Variants in ARL15 observed in about 807,000 individuals in gnomAD.
The protein encoded by ARL15 is ADP-ribosylation factor-like protein 15.
ARL15 carries 19 observed loss-of-function variants against 25.2 expected under a neutral mutation model. That is an observed-to-expected ratio of 0.75 (90% CI 0.53 to 1.10). ARL15 has a LOEUF of 1.10. ARL15 is among the 50% of genes least tolerant of loss of function. The pLI is 0.00. For synonymous variants in ARL15, 94 were observed against 86.8 expected (o/e 1.08, Z -0.46); for missense variants, 220 against 246.0 (o/e 0.89, Z 0.71).
At chr5:53,987,715 C>T (rs1748341364) in intron 4 of ARL15, among the ~76,000 whole-genome samples, 1 of 152,064 alleles carries the variant, frequency 6.6e-6, no homozygotes. Flanking sequence ...GTTTGGGAGG[C>T]CAAGGTGGGA....
At chr5:54,261,553 CA>C (rs529725614) in intron 1 of ARL15, among the ~76,000 whole-genome samples, 114 of 137,658 alleles carry the variant, frequency 8.3e-4, no homozygotes, top group African/African-American at 1.3e-3. Context: ...ACTAAATATG[CA>C]AAAAAAAAAA....
intron 4 of ARL15, among the ~76,000 whole-genome samples, chr5:53,935,293 G>A (rs567353046): frequency 2.0e-5 from 3 of 152,276 alleles, no homozygotes; most frequent in South Asian, 2.1e-4. Flanking sequence ...CCCTCATCCA[G>A]GAGCAGTAGC....
chr5:53,967,589 AGGTAAAAATG>A (rs894839924), intron 4 of ARL15, among the ~76,000 whole-genome samples: 2 of 150,420 alleles, frequency 1.3e-5, no homozygotes, highest in African/African-American at 4.9e-5. Context: ...GAAAAACAAT[AGGTAAAAATG>A]GATCCAGTTT....
At chr5:54,076,065 C>T (rs942768754) in intron 4 of ARL15, among the ~76,000 whole-genome samples, 4 of 151,950 alleles carry the variant, frequency 2.6e-5, no homozygotes, top group Admixed American at 1.3e-4. Context: ...GTTGGTACAA[C>T]GATTAAATGA....
At chr5:54,039,602 A>T (rs575210718) in intron 4 of ARL15, among the ~76,000 whole-genome samples, 2 of 152,106 alleles carry the variant, frequency 1.3e-5, no homozygotes, top group South Asian at 2.1e-4. Flanking sequence ...GAGTTTCGAG[A>T]CCAGCCTGAC....
intron 4 of ARL15, among the ~76,000 whole-genome samples, chr5:54,046,081 A>C (rs181531487): frequency 2.0e-5 from 3 of 152,342 alleles, no homozygotes; most frequent in Admixed American, 6.5e-5. Context: ...AAAATGACTA[A>C]ATTATATATT....
chr5:54,061,678 A>G (rs1011537969), intron 4 of ARL15, among the ~76,000 whole-genome samples: 1 of 152,228 alleles, frequency 6.6e-6, no homozygotes, highest in Non-Finnish European at 1.5e-5. Flanking sequence ...ATGTATGGAA[A>G]TGCCTGAATG....
chr5:54,199,790 C>T (rs1376955418), intron 1 of ARL15, among the ~76,000 whole-genome samples: 2 of 121,620 alleles, frequency 1.6e-5, no homozygotes, highest in Non-Finnish European at 3.5e-5. Flanking sequence ...CATCCCATTA[C>T]TGGGTATATA....
chr5:53,988,608 A>T (rs919949355), intron 4 of ARL15, among the ~76,000 whole-genome samples: 20 of 152,230 alleles, frequency 1.3e-4, no homozygotes, highest in Non-Finnish European at 4.4e-5. Flanking sequence ...ATTACTGAAT[A>T]CATTTTGCGT....
intron 4 of ARL15, among the ~76,000 whole-genome samples, chr5:53,893,422 C>G (rs1744781425): frequency 6.6e-6 from 1 of 151,978 alleles, no homozygotes; most frequent in Admixed American, 6.6e-5. Context: ...CTGGCTAACA[C>G]GGTGAAACCC....
At chr5:54,096,680 G>A (rs1561222590) in intron 4 of ARL15, among the ~76,000 whole-genome samples, 1 of 152,188 alleles carries the variant, frequency 6.6e-6, no homozygotes, top group African/African-American at 2.4e-5. Context: ...CATGTGCTGG[G>A]ATTACAGGTG....
At chr5:53,947,602 C>A (rs1487657887) in intron 4 of ARL15, among the ~76,000 whole-genome samples, 1 of 152,102 alleles carries the variant, frequency 6.6e-6, no homozygotes, top group Non-Finnish European at 1.5e-5. Context: ...ATTGTAGGAT[C>A]CCAGCACGCA....
intron 1 of ARL15, among the ~76,000 whole-genome samples, chr5:54,295,907 A>G (rs1163032585): frequency 6.6e-6 from 1 of 152,236 alleles, no homozygotes; most frequent in African/African-American, 2.4e-5. Flanking sequence ...CAGAAACTTG[A>G]CTTTCAAATT....
intron 1 of ARL15, among the ~76,000 whole-genome samples, chr5:54,233,982 T>C (rs1756737656): frequency 6.6e-6 from 1 of 152,194 alleles, no homozygotes; most frequent in African/African-American, 2.4e-5. Flanking sequence ...ATGTTATTCA[T>C]ATTAACATGT....
intron 1 of ARL15, among the ~76,000 whole-genome samples, chr5:54,279,214 G>T (rs200861705): frequency 6.8e-6 from 1 of 147,270 alleles, no homozygotes; most frequent in Non-Finnish European, 1.5e-5. Context: ...GTTTGTTTTT[G>T]TTTTTTTTTT....
In ARL15 at chr5:54,310,454, G is replaced by A. The variant is rs547287139; in HGVS notation, c.26C>T (p.Ala9Val). Residue 9 changes from alanine to valine, a missense_variant, in exon 1 of 5, where the codon GCG becomes GTG. Coordinates refer to ENST00000504924, the MANE Select transcript of ARL15 (RefSeq NM_019087.3). ...TACCAGATAATCCATGTACAGAAAC[G>A]CCTCAGTTATTCGGAGATCAGACAT... The part of the protein sequence containing the change: MSDLRITE[A>V]FLYMDYLCFR... 19 of 1,609,666 alleles carry A rather than the reference G, an allele frequency of 1.2e-5. No individual in the cohort carries two copies. In the Admixed American group the frequency reaches 2.9e-4, roughly 24 times the overall value.
intron 4 of ARL15, among the ~76,000 whole-genome samples, chr5:54,028,246 A>G (rs1165177277): frequency 6.6e-6 from 1 of 152,098 alleles, no homozygotes; most frequent in Non-Finnish European, 1.5e-5. Context: ...TGGGGTAGCA[A>G]TGATAACTTA....
At chr5:54,160,716 T>C (rs1228535347) in intron 2 of ARL15, among the ~76,000 whole-genome samples, 1 of 152,200 alleles carries the variant, frequency 6.6e-6, no homozygotes, top group Non-Finnish European at 1.5e-5. Flanking sequence ...TTAAAAATTA[T>C]GTCAGAGGTG....
At chr5:54,064,198 TG>T (rs745511471) in intron 4 of ARL15, among the ~76,000 whole-genome samples, 16 of 149,696 alleles carry the variant, frequency 1.1e-4, no homozygotes, top group Admixed American at 2.0e-4. Flanking sequence ...GAACTTAGAC[TG>T]GGCAAGTAAA....
Sources: gnomAD v4.1 joint callset for allele counts (sites outside exome capture counted in the v4.1 genomes callset) on GRCh38, gnomAD v4.1.1 for gene constraint, MANE v1.5 for transcripts, NCBI Gene and HGNC (gene_info 2026-07-23, HGNC 2026-07-21) for gene names.